Variants in EFR3A observed in about 807,000 individuals in gnomAD.
The protein encoded by EFR3A is EFR3 homolog A.
A neutral mutation model predicts 104.4 loss-of-function variants in EFR3A; 76 were observed. That is an observed-to-expected ratio of 0.73 (90% CI 0.60 to 0.88). EFR3A has a LOEUF of 0.88. EFR3A is among the 40% of genes least tolerant of loss of function. EFR3A has a pLI of 0.00. For synonymous variants in EFR3A, 330 were observed against 330.0 expected, an observed-to-expected ratio of 1.00 and a Z score of 0.00; for missense variants, 985 against 1,012.5, an observed-to-expected ratio of 0.97 and a Z score of 0.37.
At chr8:131,973,659 A>G (rs924763153) in intron 10 of EFR3A, among the ~76,000 whole-genome samples, 9 of 152,066 alleles carry the variant, frequency 5.9e-5, no homozygotes, top group African/African-American at 2.2e-4. Flanking sequence ...TCATGGCGTT[A>G]TTCCTGTCGG....
At chr8:132,002,793 T>A in intron 21 of EFR3A, 87 bp downstream of exon 21, 1 of 1,079,408 alleles carries the variant, frequency 9.3e-7, no homozygotes, top group Non-Finnish European at 1.4e-6. Context: ...AGTTCCAAGC[T>A]TTAGTCAAAT....
intron 1 of EFR3A, among the ~76,000 whole-genome samples, chr8:131,918,547 A>T (rs936401020): frequency 6.6e-6 from 1 of 152,162 alleles, no homozygotes; most frequent in Admixed American, 6.5e-5. Context: ...CAAATGTTGG[A>T]TAGAGAAATT....
intron 7 of EFR3A, among the ~76,000 whole-genome samples, chr8:131,957,969 A>T (rs1819108453): frequency 6.6e-6 from 1 of 152,130 alleles, no homozygotes; most frequent in Non-Finnish European, 1.5e-5. Flanking sequence ...ATAGATAATT[A>T]GTGGAGACCT....
intron 1 of EFR3A, among the ~76,000 whole-genome samples, chr8:131,938,928 C>T (rs541082767): frequency 6.6e-6 from 1 of 152,106 alleles, no homozygotes; most frequent in African/African-American, 2.4e-5. Flanking sequence ...GTGCTGTACA[C>T]GTCATCTTCA....
In EFR3A at chr8:131,946,558, A is replaced by G. The variant is rs149073745; in HGVS notation, c.291A>G (p.Val97=). Residue 97 remains valine, a synonymous_variant, in exon 4 of 23, where the codon GTA becomes GTG. Transcript: ENST00000254624. ...ATTCTCAAAGCATTAAGCCATTTGT[A>G]GAAAGCTTTCTTCATATGGTGGCAA... is the stretch of plus-strand genomic sequence containing the variant. ...ACHSQSIKPF[V]ESFLHMVAKL... is the part of the protein sequence containing the mutation. 1.2e-6 allele frequency: 2 copies of G among 1,608,356 alleles called. No homozygotes were observed. Among genetic ancestry groups the G allele is most frequent in the Admixed American group, 1.7e-5 (1 of 59,286 alleles).
At chr8:131,928,572 CT>C (rs1817422875) in intron 1 of EFR3A, among the ~76,000 whole-genome samples, 1 of 152,014 alleles carries the variant, frequency 6.6e-6, no homozygotes, top group Non-Finnish European at 1.5e-5. Context: ...AAGTTATAAT[CT>C]TGTTGTAAAC....
chr8:131,927,037 A>T (rs947492820), intron 1 of EFR3A, among the ~76,000 whole-genome samples: 2 of 152,130 alleles, frequency 1.3e-5, no homozygotes, highest in Non-Finnish European at 2.9e-5. Context: ...TCTCAATGTA[A>T]CATTTCACCC....
rs763757314 is a variant in EFR3A, at chr8:131,953,834, A to T, written c.505A>T (p.Ile169Phe). Residue 169 changes from isoleucine (I) to phenylalanine (F), a missense_variant, in exon 6 of 23, where the codon ATT becomes TTT. Physicochemically the swap from Ile to Phe is conservative, Grantham distance 21 (BLOSUM62 0). Coordinates refer to ENST00000254624, the MANE Select transcript of EFR3A (RefSeq NM_015137.6). The part of the protein sequence containing the change: ...EIRTEIRIAG[I>F]RGIQGVVRKT... Reference sequence around the variant, plus strand: ...TTTTTATAGGATACGAATTGCTGGAATTAGAGGTATTCAAGGTGTGGTTCG... The same window carrying T: ...TTTTTATAGGATACGAATTGCTGGATTTAGAGGTATTCAAGGTGTGGTTCG... 1.2e-5 allele frequency: 19 copies of T among 1,544,582 alleles called. No homozygotes were observed. The highest frequency in any genetic ancestry group is 1.6e-5 in the Non-Finnish European group (18 of 1,144,982).
At chr8:131,956,028 C>A in intron 7 of EFR3A, 123 bp downstream of exon 7, 2 of 1,171,136 alleles carry the variant, frequency 1.7e-6, no homozygotes, top group East Asian at 2.6e-5. Flanking sequence ...ACCAGTGTAA[C>A]ATTGTGAAAG....
intron 18 of EFR3A, among the ~76,000 whole-genome samples, chr8:131,990,454 CAT>C (rs773708937): frequency 4.4e-4 from 67 of 152,102 alleles, no homozygotes; most frequent in Admixed American, 5.9e-4. Context: ...GGTAGTAACA[CAT>C]GTGTGAAGGA....
intron 8 of EFR3A, among the ~76,000 whole-genome samples, chr8:131,960,184 C>A (rs1819234088): frequency 6.6e-6 from 1 of 152,132 alleles, no homozygotes; most frequent in South Asian, 2.1e-4. Flanking sequence ...ACTTTCCTTT[C>A]TTGTCATTTT....
At chr8:131,936,834 A>G (rs897208702) in intron 1 of EFR3A, among the ~76,000 whole-genome samples, 2 of 152,110 alleles carry the variant, frequency 1.3e-5, no homozygotes, top group Non-Finnish European at 2.9e-5. Context: ...ACCCTCCGGA[A>G]ACTTCCATGT....
At chr8:131,937,300 T>G (rs1275074796) in intron 1 of EFR3A, among the ~76,000 whole-genome samples, 2 of 152,160 alleles carry the variant, frequency 1.3e-5, no homozygotes, top group Non-Finnish European at 2.9e-5. Flanking sequence ...TTTTATGTAT[T>G]ATTAATTTAA....
At chr8:131,973,327 G>A (rs1212726637) in intron 10 of EFR3A, among the ~76,000 whole-genome samples, 1 of 151,942 alleles carries the variant, frequency 6.6e-6, no homozygotes, top group East Asian at 1.9e-4. Context: ...TGCGATATTC[G>A]AGGATGTTAA....
intron 4 of EFR3A, among the ~76,000 whole-genome samples, chr8:131,948,463 A>C (rs1818544526): frequency 6.6e-6 from 1 of 152,124 alleles, no homozygotes; most frequent in African/African-American, 2.4e-5. Flanking sequence ...AAAACTCTTA[A>C]TATGATTTTT....
chr8:131,996,522 G>C (rs1343244831), intron 19 of EFR3A, 25 bp downstream of exon 19: 1 of 1,502,368 alleles, frequency 6.7e-7, no homozygotes. Flanking sequence ...GTTTATGGTA[G>C]AGTACTGTCT....
chr8:132,011,492 C>T lies in EFR3A; in HGVS notation c.*597C>T, dbSNP rs1025451702. Reference sequence around the variant, plus strand: ...AGGACATCTGTTGAATAGCATTCCTCGAATATAACCCTAAAAACGCCATAC... The same window carrying T: ...AGGACATCTGTTGAATAGCATTCCTTGAATATAACCCTAAAAACGCCATAC... On this transcript the variant is annotated 3_prime_UTR_variant, in exon 23 of 23. Transcript: ENST00000254624. 3.4e-6 allele frequency: 3 copies of T among 891,108 alleles called. No individual in the cohort carries two copies. Among genetic ancestry groups the T allele is most frequent in the Non-Finnish European group, 4.0e-6 (3 of 744,262 alleles). 55.2% of individuals were successfully genotyped at this position (891,108 alleles called of 1,614,324 possible).
At chr8:132,001,865 T>G in intron 20 of EFR3A, 58 bp downstream of exon 20, 2 of 1,441,836 alleles carry the variant, frequency 1.4e-6, no homozygotes, top group Non-Finnish European at 1.9e-6. Context: ...TATCTGCTGC[T>G]TTTTTCGATG....
chr8:131,965,683 C>A (rs1819669499), intron 8 of EFR3A, among the ~76,000 whole-genome samples: 2 of 152,014 alleles, frequency 1.3e-5, no homozygotes, highest in South Asian at 4.2e-4. Context: ...ACTAGAAATA[C>A]CATTTGACCC....
Sources: allele counts gnomAD v4.1 joint callset (sites outside exome capture counted in the v4.1 genomes callset), GRCh38; gene constraint gnomAD v4.1.1; transcripts MANE v1.5; gene names NCBI Gene and HGNC (gene_info 2026-07-23, HGNC 2026-07-21).